Variants in CSMD1 observed in about 807,000 individuals in gnomAD.
CSMD1 encodes the protein CUB and Sushi multiple domains 1.
A neutral mutation model predicts 417.5 loss-of-function variants in CSMD1; 213 were observed. That is an observed-to-expected ratio of 0.51 (90% CI 0.46 to 0.57). CSMD1 has a LOEUF of 0.57. CSMD1 is among the 20% of genes least tolerant of loss of function. The probability of loss-of-function intolerance (pLI) is 0.00; values close to 1 mark genes in which losing one functional copy is unlikely to be tolerated. For synonymous variants in CSMD1, 2,862 were observed against 1,736.8 expected, an observed-to-expected ratio of 1.65 and a Z score of -16.11; for missense variants, 6,923 against 4,529.7, an observed-to-expected ratio of 1.53 and a Z score of -15.17.
At chr8:3,672,334 T>A (rs964952199) in intron 7 of CSMD1, among the ~76,000 whole-genome samples, 16 of 136,230 alleles carry the variant, frequency 1.2e-4, no homozygotes, top group African/African-American at 4.5e-4. Context: ...GCTTCTGACC[T>A]TCCCCTTTTT....
At chr8:3,151,608 C>T (rs1819201013) in intron 39 of CSMD1, 95 bp from the exon 40 acceptor site, 3 of 754,098 alleles carry the variant, frequency 4.0e-6, no homozygotes, top group East Asian at 2.7e-5. Flanking sequence ...TGAGAAAGAG[C>T]AAGTCTTCGG....
rs553984154 is a variant in CSMD1, at chr8:3,788,593, G to A, written c.819-34551C>T. 6.6e-5 allele frequency among the ~76,000 whole-genome samples: 10 copies of A among 152,298 alleles called. No individual in the cohort carries two copies. The South Asian group carries it at 1.7e-3, about 25-fold the overall frequency. ...TAATGCATTAAATCTTACCAAAGGT[G>A]TTAATAGGATTGTAAAGATTTAGTT... On this transcript the variant is annotated intron_variant, in intron 5 of 69. Coordinates refer to ENST00000635120, the MANE Select transcript of CSMD1 (RefSeq NM_033225.6).
intron 54 of CSMD1, among the ~76,000 whole-genome samples, chr8:2,996,660 A>AT (rs1430586594): frequency 1.3e-5 from 2 of 152,234 alleles, no homozygotes; most frequent in Admixed American, 6.5e-5. Flanking sequence ...GTTGTCAGTC[A>AT]TAAGAGTTCA....
chr8:3,744,132 G>A (rs1008376471), intron 6 of CSMD1, among the ~76,000 whole-genome samples: 2 of 152,176 alleles, frequency 1.3e-5, no homozygotes. Flanking sequence ...TGAAATGATT[G>A]AGACTTGTCT....
intron 3 of CSMD1, among the ~76,000 whole-genome samples, chr8:4,302,646 A>C (rs188731046): frequency 3.3e-5 from 5 of 152,306 alleles, no homozygotes; most frequent in Non-Finnish European, 5.9e-5. Context: ...AAAGGTCAAA[A>C]CTAATAGCTG....
intron 10 of CSMD1, among the ~76,000 whole-genome samples, chr8:3,505,255 G>A (rs1198469555): frequency 6.6e-6 from 1 of 152,164 alleles, no homozygotes; most frequent in Admixed American, 6.5e-5. Context: ...ACTGTTAGAT[G>A]CGATAAAATG....
At chr8:4,453,800 T>C (rs1310949793) in intron 2 of CSMD1, among the ~76,000 whole-genome samples, 1 of 146,146 alleles carries the variant, frequency 6.8e-6, no homozygotes, top group African/African-American at 2.5e-5. Flanking sequence ...CGAACAAGAT[T>C]GCGCAATTCG....
intron 1 of CSMD1, among the ~76,000 whole-genome samples, chr8:4,735,483 T>G (rs571652376): frequency 6.6e-6 from 1 of 152,188 alleles, no homozygotes; most frequent in Non-Finnish European, 1.5e-5. Flanking sequence ...TTTCAAACAT[T>G]GAACTTTATG....
At chr8:3,192,124 G>C (rs918620091) in intron 33 of CSMD1, among the ~76,000 whole-genome samples, 3 of 152,138 alleles carry the variant, frequency 2.0e-5, no homozygotes, top group Non-Finnish European at 2.9e-5. Context: ...TTTCAATTTG[G>C]TGTTGAGATA....
intron 3 of CSMD1, among the ~76,000 whole-genome samples, chr8:4,071,640 C>G (rs867224553): frequency 1.3e-5 from 2 of 152,142 alleles, no homozygotes; most frequent in East Asian, 3.9e-4. Context: ...TTTAAACTAG[C>G]TGAAATATGT....
chr8:4,901,735 A>G (rs1804881890), intron 1 of CSMD1, among the ~76,000 whole-genome samples: 1 of 152,240 alleles, frequency 6.6e-6, no homozygotes, highest in African/African-American at 2.4e-5. Context: ...GCTGAATCAT[A>G]TTAGCATAGA....
rs530834616 is a variant in CSMD1, at chr8:3,181,810, G to C, written c.5621-596C>G. On this transcript the variant is annotated intron_variant, in intron 36 of 69. Coordinates refer to ENST00000635120, the MANE Select transcript of CSMD1 (RefSeq NM_033225.6). ...TTAAAATGTTCTAGCCTACATCACA[G>C]TAACTAACCGATTGGAAAGGGCAAT... is the stretch of plus-strand genomic sequence containing the variant. Among the ~76,000 whole-genome samples, 61 of 152,282 alleles carry C rather than the reference G, an allele frequency of 4.0e-4. 1 individual carries two copies. The South Asian group carries it at 7.0e-3, about 18-fold the overall frequency.
intron 5 of CSMD1, among the ~76,000 whole-genome samples, chr8:3,874,603 T>G (rs942090663): frequency 1.3e-5 from 2 of 152,164 alleles, no homozygotes; most frequent in East Asian, 3.9e-4. Flanking sequence ...CATCATTCAG[T>G]AGATTAAGTC....
chr8:4,317,716 G>A (rs750122778), intron 3 of CSMD1, among the ~76,000 whole-genome samples: 7 of 152,136 alleles, frequency 4.6e-5, no homozygotes, highest in Non-Finnish European at 7.3e-5. Flanking sequence ...AAAGAGAAGC[G>A]ATAGCTCAGC....
chr8:3,791,794 G>A (rs1473844115), intron 5 of CSMD1, among the ~76,000 whole-genome samples: 1 of 151,996 alleles, frequency 6.6e-6, no homozygotes, highest in African/African-American at 2.4e-5. Flanking sequence ...CTGCACTCCA[G>A]CCTGGGTGAC....
intron 11 of CSMD1, among the ~76,000 whole-genome samples, chr8:3,474,658 A>G (rs1436849019): frequency 6.6e-6 from 1 of 152,174 alleles, no homozygotes; most frequent in East Asian, 1.9e-4. Flanking sequence ...AATTAGCCTA[A>G]GGGGAAATTG....
chr8:3,546,529 C>CA lies in CSMD1; in HGVS notation c.1344+28415dup, dbSNP rs1554464374. Among the ~76,000 whole-genome samples, 742 of 131,214 alleles carry CA rather than the reference C, an allele frequency of 5.7e-3. 7 individuals carry two copies. The highest frequency in any genetic ancestry group is 0.024 in the African/African-American group (701 of 29,398). 86.1% of individuals were successfully genotyped at this position (131,214 alleles called of 152,430 possible). On this transcript the variant is annotated intron_variant, in intron 10 of 69. Coordinates refer to ENST00000635120, the MANE Select transcript of CSMD1 (RefSeq NM_033225.6). ...CCAGCCTGGTGACAGAGTGAGACTC[C>CA]AAAAAAAAAGAAAAAAAAAAATCCT...
intron 1 of CSMD1, among the ~76,000 whole-genome samples, chr8:4,842,747 A>T (rs567378721): frequency 6.6e-6 from 1 of 152,234 alleles, no homozygotes; most frequent in Non-Finnish European, 1.5e-5. Flanking sequence ...GTTATTTATT[A>T]TGCTAGCATT....
chr8:3,970,667 G>A (rs903656968), intron 5 of CSMD1, among the ~76,000 whole-genome samples: 1 of 152,174 alleles, frequency 6.6e-6, no homozygotes, highest in East Asian at 1.9e-4. Context: ...CAAGTAGCAC[G>A]TGGAACCTCT....
Sources: gnomAD v4.1 joint callset for allele counts (sites outside exome capture counted in the v4.1 genomes callset) on GRCh38, gnomAD v4.1.1 for gene constraint, MANE v1.5 for transcripts, NCBI Gene and HGNC (gene_info 2026-07-23, HGNC 2026-07-21) for gene names.